PLPPR1: variants seen among roughly 807,000 people sequenced by gnomAD.
The protein encoded by PLPPR1 is phospholipid phosphatase related 1.
Under a neutral mutation model 33.1 loss-of-function variants are expected in PLPPR1, and 10 were observed. That is an observed-to-expected ratio of 0.30 (90% CI 0.19 to 0.51). The LOEUF (loss-of-function observed/expected upper bound fraction) is 0.51. PLPPR1 is among the 20% of genes least tolerant of loss of function. The pLI is 0.97. For missense variants in PLPPR1, 304 were observed against 408.1 expected (o/e 0.74, Z 2.20); for synonymous variants, 151 against 151.0 (o/e 1.00, Z 0.00).
At chr9:101,279,003 T>C (rs955557358) in intron 3 of PLPPR1, among the ~76,000 whole-genome samples, 1 of 152,230 alleles carries the variant, frequency 6.6e-6, no homozygotes, top group Non-Finnish European at 1.5e-5. Flanking sequence ...TCTACAAATG[T>C]GTATATCTCA....
At chr9:101,130,920 A>T (rs1272276248) in intron 1 of PLPPR1, among the ~76,000 whole-genome samples, 1 of 152,210 alleles carries the variant, frequency 6.6e-6, no homozygotes, top group East Asian at 1.9e-4. Flanking sequence ...CTTACTACTT[A>T]CAGAGGAAGC....
intron 1 of PLPPR1, among the ~76,000 whole-genome samples, chr9:101,134,997 G>A (rs1340564389): frequency 6.6e-6 from 1 of 152,114 alleles, no homozygotes; most frequent in East Asian, 1.9e-4. Context: ...TGAGGTGATT[G>A]AGGCATGAAA....
chr9:101,141,549 A>C (rs2567305), intron 1 of PLPPR1, among the ~76,000 whole-genome samples: 72,330 of 152,006 alleles, frequency 0.48, 17,785 homozygotes, highest in Non-Finnish European at 0.54. Flanking sequence ...AATAATGGTG[A>C]ATTTTTCCTA....
rs566246547 is a variant in PLPPR1, at chr9:101,175,991, T to C, written c.-45-9459T>C. Among the ~76,000 whole-genome samples, 23 of 152,272 alleles carry C rather than the reference T, an allele frequency of 1.5e-4. 1 individual carries two copies. The South Asian group carries it at 3.7e-3, about 25-fold the overall frequency. On this transcript the variant is annotated intron_variant, in intron 1 of 7. Coordinates refer to ENST00000374874, the MANE Select transcript of PLPPR1 (RefSeq NM_207299.2). ...GGACTTCACAACACAAGGAACAACATAGTAGTGACTTCTCAGGATTTTCTT... is the reference window on the plus strand; with the variant it reads ...GGACTTCACAACACAAGGAACAACACAGTAGTGACTTCTCAGGATTTTCTT...
intron 2 of PLPPR1, among the ~76,000 whole-genome samples, chr9:101,222,495 T>C (rs193065005): frequency 9.9e-5 from 15 of 152,274 alleles, no homozygotes; most frequent in African/African-American, 3.6e-4. Context: ...TGTTTTTTCT[T>C]CACTGCTTCT....
chr9:101,056,120 AC>A (rs1830275332), intron 1 of PLPPR1, among the ~76,000 whole-genome samples: 2 of 152,272 alleles, frequency 1.3e-5, no homozygotes, highest in South Asian at 2.1e-4. Context: ...TACTATTATT[AC>A]CCATAGTCTT....
intron 1 of PLPPR1, among the ~76,000 whole-genome samples, chr9:101,094,390 C>T (rs897382438): frequency 3.9e-5 from 6 of 152,268 alleles, no homozygotes; most frequent in Middle Eastern, 3.4e-3. Context: ...CTCTGTCTTG[C>T]TGAATACACA....
chr9:101,080,014 T>G (rs1408603923), intron 1 of PLPPR1, among the ~76,000 whole-genome samples: 1 of 152,236 alleles, frequency 6.6e-6, no homozygotes, highest in Non-Finnish European at 1.5e-5. Context: ...ATTTTACCCA[T>G]TACACTGGGC....
intron 1 of PLPPR1, chr9:101,125,492 T>A (rs1831234082): frequency 3.1e-6 from 1 of 326,404 alleles, no homozygotes; most frequent in Non-Finnish European, 5.8e-6. Context: ...TGCTTTAAGC[T>A]TCAGCAAGAG....
intron 4 of PLPPR1, among the ~76,000 whole-genome samples, chr9:101,291,514 C>T (rs1307295115): frequency 1.9e-4 from 29 of 152,286 alleles, no homozygotes; most frequent in Non-Finnish European, 3.8e-4. Flanking sequence ...CCCTGACCCC[C>T]GAGCAGCCTA....
At chr9:101,202,070 T>C (rs750242001) in intron 2 of PLPPR1, among the ~76,000 whole-genome samples, 3 of 152,184 alleles carry the variant, frequency 2.0e-5, no homozygotes, top group Non-Finnish European at 2.9e-5. Context: ...TCCAACCAGT[T>C]TGGAGGTTTA....
chr9:101,172,740 C>G (rs1327764465), intron 1 of PLPPR1, among the ~76,000 whole-genome samples: 2 of 152,074 alleles, frequency 1.3e-5, no homozygotes, highest in African/African-American at 4.8e-5. Context: ...TCCCCACATT[C>G]CCAGCTCTAT....
rs1314820757 is a variant in PLPPR1, at chr9:101,129,534, A to T, written c.-45-55916A>T. The stretch of plus-strand genomic sequence containing the variant: ...TATCCACACACTCAGCAATAGCAAT[A>T]AAAAAAAAGGGAAAAAGCTGGGTGC... On this transcript the variant is annotated intron_variant, in intron 1 of 7. Coordinates refer to ENST00000374874, the MANE Select transcript of PLPPR1 (RefSeq NM_207299.2). 6.0e-5 allele frequency among the ~76,000 whole-genome samples: 9 copies of T among 149,276 alleles called. No homozygotes were observed. The South Asian group carries it at 8.4e-4, about 14-fold the overall frequency.
chr9:101,139,591 A>G (rs1360330932), intron 1 of PLPPR1, among the ~76,000 whole-genome samples: 2 of 152,144 alleles, frequency 1.3e-5, no homozygotes, highest in Non-Finnish European at 2.9e-5. Context: ...TAGTCAGATA[A>G]GATGCCAGGG....
intron 1 of PLPPR1, among the ~76,000 whole-genome samples, chr9:101,050,610 A>T (rs1034121692): frequency 6.6e-6 from 1 of 152,174 alleles, no homozygotes; most frequent in South Asian, 2.1e-4. Context: ...AGTATTGTGG[A>T]GTAGGATAGA....
chr9:101,208,515 T>C (rs1448062932), intron 2 of PLPPR1, among the ~76,000 whole-genome samples: 2 of 152,262 alleles, frequency 1.3e-5, no homozygotes, highest in Non-Finnish European at 2.9e-5. Context: ...TTAATCTTTA[T>C]ACTTCAACCT....
At chr9:101,103,208 T>G (rs1243136232) in intron 1 of PLPPR1, among the ~76,000 whole-genome samples, 1 of 133,106 alleles carries the variant, frequency 7.5e-6, no homozygotes, top group Non-Finnish European at 1.6e-5. Flanking sequence ...GTTTTGGACA[T>G]GAAGTCCTTG....
intron 2 of PLPPR1, among the ~76,000 whole-genome samples, chr9:101,218,683 T>C (rs778683413): frequency 2.0e-5 from 3 of 152,238 alleles, no homozygotes; most frequent in Non-Finnish European, 4.4e-5. Flanking sequence ...TATTTCATTT[T>C]TAGTTCAGCT....
At chr9:101,237,654 C>T (rs985129183) in intron 2 of PLPPR1, among the ~76,000 whole-genome samples, 1 of 142,934 alleles carries the variant, frequency 7.0e-6, no homozygotes, top group African/African-American at 2.6e-5. Flanking sequence ...CACACACACA[C>T]ACACAAAATT....
Sources: allele counts gnomAD v4.1 joint callset (sites outside exome capture counted in the v4.1 genomes callset), GRCh38; gene constraint gnomAD v4.1.1; transcripts MANE v1.5; gene names NCBI Gene and HGNC (gene_info 2026-07-23, HGNC 2026-07-21).